GPC5: variants seen among roughly 807,000 people sequenced by gnomAD.
The protein encoded by GPC5 is glypican 5.
In GPC5, 47 loss-of-function variants were observed where a neutral mutation model predicts 53.9. That is an observed-to-expected ratio of 0.87 (90% confidence interval 0.69 to 1.11). GPC5 has a LOEUF of 1.11. Among genes scored for constraint, GPC5 ranks in the 50% most tolerant of loss-of-function variants. GPC5 has a pLI of 0.00. For missense variants in GPC5, 748 were observed against 713.1 expected, an observed-to-expected ratio of 1.05 and a Z score of -0.56; for synonymous variants, 286 against 263.3, an observed-to-expected ratio of 1.09 and a Z score of -0.84.
chr13:91,813,747 G>A (rs2038352041), intron 5 of GPC5, among the ~76,000 whole-genome samples: 1 of 151,982 alleles, frequency 6.6e-6, no homozygotes, highest in Admixed American at 6.6e-5. Context: ...TTTTGAATTG[G>A]AAATAACCTA....
intron 7 of GPC5, among the ~76,000 whole-genome samples, chr13:92,558,027 A>G (rs917020078): frequency 1.3e-5 from 2 of 152,048 alleles, no homozygotes; most frequent in African/African-American, 4.8e-5. Context: ...TCATGAGAGC[A>G]ACAAGATGGG....
At chr13:92,173,645 TGCAATGA>T (rs2042086658) in intron 7 of GPC5, among the ~76,000 whole-genome samples, 1 of 152,248 alleles carries the variant, frequency 6.6e-6, no homozygotes, top group African/African-American at 2.4e-5. Context: ...TTCATTAAAA[TGCAATGA>T]GCAAAAACCT....
intron 7 of GPC5, among the ~76,000 whole-genome samples, chr13:92,714,160 T>C (rs1050306192): frequency 1.3e-5 from 2 of 152,194 alleles, no homozygotes; most frequent in Non-Finnish European, 2.9e-5. Context: ...TTTGATAGGA[T>C]GTCATGGAAG....
At chr13:91,682,319 T>C (rs1029688830) in intron 2 of GPC5, among the ~76,000 whole-genome samples, 9 of 152,196 alleles carry the variant, frequency 5.9e-5, no homozygotes, top group African/African-American at 1.7e-4. Flanking sequence ...TAATGGCAAG[T>C]ACATGGCAAA....
chr13:92,048,294 A>C (rs1242501615), intron 6 of GPC5, among the ~76,000 whole-genome samples: 2 of 151,506 alleles, frequency 1.3e-5, no homozygotes, highest in Admixed American at 6.6e-5. Context: ...TAATTATATA[A>C]ATTTATTTTA....
intron 1 of GPC5, among the ~76,000 whole-genome samples, chr13:91,400,600 G>T (rs902105284): frequency 2.0e-5 from 3 of 152,256 alleles, no homozygotes; most frequent in African/African-American, 7.2e-5. Context: ...TGTGCGTGTG[G>T]GTGGTGAGGG....
At chr13:92,784,399 T>C (rs1161916701) in intron 7 of GPC5, among the ~76,000 whole-genome samples, 1 of 152,086 alleles carries the variant, frequency 6.6e-6, no homozygotes, top group African/African-American at 2.4e-5. Flanking sequence ...TTAGTTATGA[T>C]GAAAATTGCC....
At chr13:92,421,983 C>T (rs1876588458) in intron 7 of GPC5, among the ~76,000 whole-genome samples, 1 of 152,002 alleles carries the variant, frequency 6.6e-6, no homozygotes, top group African/African-American at 2.4e-5. Flanking sequence ...GTCAACACTT[C>T]CCACCACTCT....
rs535625258 is a variant in GPC5, at chr13:91,751,514, T to G, written c.1155-4781T>G. Reference sequence around the variant, plus strand: ...TCAGAATGACAGGGCAGCCTTCCTCTGAAACATTGCCAGTCATCGTGCTAG... The same window carrying G: ...TCAGAATGACAGGGCAGCCTTCCTCGGAAACATTGCCAGTCATCGTGCTAG... On this transcript the variant is annotated intron_variant, in intron 4 of 7. Transcript: ENST00000377067. Among the ~76,000 whole-genome samples the G allele has an allele frequency of 2.0e-5, 3 of 152,318 alleles. No individual in the cohort carries two copies. In the East Asian group the frequency reaches 5.8e-4, roughly 29 times the overall value.
intron 2 of GPC5, among the ~76,000 whole-genome samples, chr13:91,662,565 A>T (rs2035011476): frequency 1.3e-5 from 2 of 152,240 alleles, no homozygotes; most frequent in Admixed American, 6.5e-5. Context: ...GATCTAAGTA[A>T]TAAATCTCTT....
chr13:92,421,616 G>A (rs554874172), intron 7 of GPC5, among the ~76,000 whole-genome samples: 33 of 146,910 alleles, frequency 2.2e-4, no homozygotes, highest in Admixed American at 7.7e-4. Context: ...GGAGAATGGC[G>A]TGAACCCTGG....
chr13:91,819,151 CTTTTTTT>C (rs386380203), intron 5 of GPC5, among the ~76,000 whole-genome samples: 28 of 58,078 alleles, frequency 4.8e-4, no homozygotes, highest in African/African-American at 2.1e-3. Context: ...AAAATATGCG[CTTTTTTT>C]TTTTTTTTTT....
At chr13:91,416,169 G>T (rs77333753) in intron 1 of GPC5, among the ~76,000 whole-genome samples, 1 of 151,968 alleles carries the variant, frequency 6.6e-6, no homozygotes, top group Non-Finnish European at 1.5e-5. Context: ...TACAGTATAG[G>T]GCTGCCCATT....
intron 7 of GPC5, among the ~76,000 whole-genome samples, chr13:92,527,155 AGAAAGAAAGAAAGAAAGAG>A (rs1196222740): frequency 7.8e-5 from 10 of 128,360 alleles, no homozygotes; most frequent in African/African-American, 2.9e-4. Context: ...AAAGAAAGAA[AGAAAGAAAGAAAGAAAGAG>A]AAAGAAAGAA....
At chr13:91,457,878 G>A (rs1418197656) in intron 2 of GPC5, among the ~76,000 whole-genome samples, 2 of 152,120 alleles carry the variant, frequency 1.3e-5, no homozygotes, top group African/African-American at 4.8e-5. Context: ...CAGCCTGAAT[G>A]TGCCAGCACT....
At chr13:92,291,427 C>T (rs2042994792) in intron 7 of GPC5, among the ~76,000 whole-genome samples, 3 of 152,110 alleles carry the variant, frequency 2.0e-5, no homozygotes. Context: ...CTGTGTCTAG[C>T]TCAGGGTTTG....
chr13:92,737,103 T>C (rs1297154617), intron 7 of GPC5, among the ~76,000 whole-genome samples: 3 of 152,042 alleles, frequency 2.0e-5, no homozygotes, highest in African/African-American at 4.8e-5. Flanking sequence ...ATATAACAGT[T>C]CATCATTGCA....
At chr13:91,988,493 G>T (rs2040428756) in intron 6 of GPC5, among the ~76,000 whole-genome samples, 1 of 152,172 alleles carries the variant, frequency 6.6e-6, no homozygotes, top group Non-Finnish European at 1.5e-5. Flanking sequence ...TAAGTATCCA[G>T]ATGAGCTGAT....
chr13:92,040,468 A>G lies in GPC5; in HGVS notation c.1402-104362A>G, dbSNP rs536732698. ...AGTAAGCCGGTTAGAAAATGAATGA[A>G]TGCATGAATACAAAGTATTGTAAAA... On this transcript the variant is annotated intron_variant, in intron 6 of 7. Coordinates refer to ENST00000377067, the MANE Select transcript of GPC5 (RefSeq NM_004466.6). Among the ~76,000 whole-genome samples the G allele has an allele frequency of 8.5e-5, 13 of 152,374 alleles. No homozygotes were observed. In the East Asian group the frequency reaches 2.3e-3, roughly 27 times the overall value.
Sources: allele counts gnomAD v4.1 joint callset (sites outside exome capture counted in the v4.1 genomes callset), GRCh38; gene constraint gnomAD v4.1.1; transcripts MANE v1.5; gene names NCBI Gene and HGNC (gene_info 2026-07-23, HGNC 2026-07-21).